HSD11B1: variants seen among roughly 807,000 people sequenced by gnomAD.
The protein encoded by HSD11B1 is 11-beta-hydroxysteroid dehydrogenase 1.
In HSD11B1, 15 loss-of-function variants were observed where a neutral mutation model predicts 22.1. That is an observed-to-expected ratio of 0.68 (90% CI 0.45 to 1.04). The LOEUF is 1.04. Among genes scored for constraint, HSD11B1 ranks in the 50% least tolerant of loss-of-function variants. The pLI is 0.00. For missense variants in HSD11B1, 281 were observed against 357.6 expected, an observed-to-expected ratio of 0.79 and a Z score of 1.73; for synonymous variants, 122 against 125.2, an observed-to-expected ratio of 0.97 and a Z score of 0.17.
At chr1:209,702,799 A>G (rs1436837228), upstream of HSD11B1, among the ~76,000 whole-genome samples, 1 of 152,238 alleles carries the variant, frequency 6.6e-6, no homozygotes, top group East Asian at 1.9e-4. Flanking sequence ...CCTGAGACCA[A>G]AAATTTGAGA....
intron 4 of HSD11B1, among the ~76,000 whole-genome samples, chr1:209,709,937 A>AACAC (rs71143893): frequency 0.063 from 9,038 of 143,796 alleles, 644 homozygotes; most frequent in African/African-American, 0.16. Context: ...CCACATGTGA[A>AACAC]ACACACACAC....
upstream of HSD11B1, among the ~76,000 whole-genome samples, chr1:209,703,900 T>C (rs577627801): frequency 2.6e-5 from 4 of 152,358 alleles, no homozygotes; most frequent in African/African-American, 9.6e-5. Context: ...TGAGGATTAT[T>C]CCTTAATGAA....
chr1:209,714,610 G>A (rs1042733817), intron 4 of HSD11B1, among the ~76,000 whole-genome samples: 2 of 152,126 alleles, frequency 1.3e-5, no homozygotes, highest in African/African-American at 4.8e-5. Context: ...TCGTGTCAGG[G>A]CTTCTTAATA....
At chr1:209,689,245 C>G (rs1178879702) in intron 1 of HSD11B1, among the ~76,000 whole-genome samples, 1 of 152,104 alleles carries the variant, frequency 6.6e-6, no homozygotes, top group East Asian at 1.9e-4. Context: ...CCCACCCTAC[C>G]CCAGCTTACA....
chr1:209,732,427 G>A lies in HSD11B1; in HGVS notation c.518-9G>A, dbSNP rs114140541. The A allele has an allele frequency of 1.7e-3, 2,815 of 1,613,992 alleles. 26 individuals are homozygous for A. The African/African-American group carries it at 0.028, about 16-fold the overall frequency. On this transcript the variant is annotated splice_polypyrimidine_tract_variant and intron_variant, in intron 4 of 5. Transcript: ENST00000367027. ...CCTTATTAACCCATTTCTTTAATCT[G>A]TCATTTAGGGAAAGTGGCTTATCCA...
chr1:209,705,644 A>G (rs564175347), intron 1 of HSD11B1, among the ~76,000 whole-genome samples, 167 bp from the exon 2 acceptor site: 2 of 152,304 alleles, frequency 1.3e-5, no homozygotes, highest in Non-Finnish European at 2.9e-5. Context: ...CATGTTTATG[A>G]AAGACCTGGC....
chr1:209,732,308 G>T, intron 4 of HSD11B1, 128 bp from the exon 5 acceptor site: 1 of 980,852 alleles, frequency 1.0e-6, no homozygotes, highest in East Asian at 2.5e-5. Flanking sequence ...TAACTTCCAT[G>T]GGGAATATAG....
At chr1:209,697,556 A>G (rs533679691) in intron 1 of HSD11B1, among the ~76,000 whole-genome samples, 1 of 152,286 alleles carries the variant, frequency 6.6e-6, no homozygotes, top group East Asian at 1.9e-4. Context: ...GAGCATTTCA[A>G]TGGTGTTTTT....
intron 4 of HSD11B1, among the ~76,000 whole-genome samples, chr1:209,707,774 C>T (rs1308887315): frequency 6.6e-6 from 1 of 152,140 alleles, no homozygotes; most frequent in African/African-American, 2.4e-5. Context: ...GAGACCTAGT[C>T]ACAATGGATA....
chr1:209,697,922 G>T (rs2076801764), intron 1 of HSD11B1, among the ~76,000 whole-genome samples: 2 of 11,754 alleles, frequency 1.7e-4, no homozygotes, highest in Non-Finnish European at 5.1e-4. Flanking sequence ...TTTGAGATGA[G>T]GGTCTTGCTA....
chr1:209,721,340 G>A (rs954827317), intron 4 of HSD11B1, among the ~76,000 whole-genome samples: 2 of 152,044 alleles, frequency 1.3e-5, no homozygotes, highest in African/African-American at 4.8e-5. Context: ...GTATTTGGGG[G>A]AGATGGGACA....
intron 4 of HSD11B1, among the ~76,000 whole-genome samples, chr1:209,708,768 G>C (rs1476456496): frequency 6.6e-6 from 1 of 152,192 alleles, no homozygotes; most frequent in South Asian, 2.1e-4. Flanking sequence ...TGCTCAGAAG[G>C]ACTAAGAATT....
At position 209,706,868 on chromosome 1, in the gene HSD11B1, C is replaced by G; in HGVS notation, c.331+48C>G. 6.3e-7 allele frequency: 1 copy of G among 1,599,900 alleles called. No homozygotes were observed. The highest frequency in any genetic ancestry group is 8.5e-7 in the Non-Finnish European group (1 of 1,170,306). On this transcript the variant is annotated intron_variant, in intron 3 of 5. Transcript: ENST00000367027. The surrounding 1 kb of genome is among the most constrained non-coding windows in gnomAD (Gnocchi z 4.0). ...CTCCTCTGAACTTTGCCCTTGGGGT[C>G]ACCAAGAGCTTTTGGGAGGAGAATG...
intron 1 of HSD11B1, among the ~76,000 whole-genome samples, chr1:209,698,621 C>A (rs1460357930): frequency 6.6e-6 from 1 of 152,230 alleles, no homozygotes; most frequent in African/African-American, 2.4e-5. Flanking sequence ...TTAGTTCTTA[C>A]ATGGCCCCCT....
At chr1:209,717,618 G>T (rs1362872057) in intron 4 of HSD11B1, among the ~76,000 whole-genome samples, 1 of 152,128 alleles carries the variant, frequency 6.6e-6, no homozygotes, top group Non-Finnish European at 1.5e-5. Flanking sequence ...CACTTTGGGA[G>T]GCCAAGGTGG....
intron 5 of HSD11B1, 58 bp downstream of exon 5, chr1:209,732,637 T>G: frequency 7.0e-7 from 1 of 1,435,664 alleles, no homozygotes. Context: ...CTAGGGTACA[T>G]GTGCAGAACA....
At chr1:209,687,887 G>A (rs2076737642) in intron 1 of HSD11B1, among the ~76,000 whole-genome samples, 1 of 152,232 alleles carries the variant, frequency 6.6e-6, no homozygotes, top group Admixed American at 6.5e-5. Flanking sequence ...GGAGGAGAAA[G>A]ATTTGAGGCA....
chr1:209,712,666 A>C (rs1191301314), intron 4 of HSD11B1, among the ~76,000 whole-genome samples: 1 of 152,168 alleles, frequency 6.6e-6, no homozygotes, highest in East Asian at 1.9e-4. Context: ...ATATTCATTT[A>C]ATTGTTTATT....
At chr1:209,697,998 G>A (rs931986243) in intron 1 of HSD11B1, among the ~76,000 whole-genome samples, 1 of 138,312 alleles carries the variant, frequency 7.2e-6, no homozygotes. Flanking sequence ...CCCAGTGGCT[G>A]GGATTACAGC....
Sources: gnomAD v4.1 joint callset for allele counts (sites outside exome capture counted in the v4.1 genomes callset) on GRCh38, gnomAD v4.1.1 for gene constraint, Gnocchi (gnomAD v3.1) non-coding constraint, MANE v1.5 for transcripts, NCBI Gene and HGNC (gene_info 2026-07-23, HGNC 2026-07-21) for gene names.